Variants in CCBE1 observed in about 807,000 individuals in gnomAD.
CCBE1 encodes collagen and calcium binding EGF domains 1.
Under a neutral mutation model 50.0 loss-of-function variants are expected in CCBE1, and 37 were observed. The ratio of observed to expected loss-of-function variants is 0.74; its 90% confidence interval spans 0.57 to 0.97. CCBE1 has a LOEUF of 0.97. CCBE1 is among the 50% of genes least tolerant of loss of function. The probability of loss-of-function intolerance (pLI) is 0.00; values close to 1 mark genes in which losing one functional copy is unlikely to be tolerated. For synonymous variants in CCBE1, 234 were observed against 203.7 expected (o/e 1.15, Z -1.27); for missense variants, 538 against 523.8 (o/e 1.03, Z -0.26).
intron 5 of CCBE1, among the ~76,000 whole-genome samples, chr18:59,465,160 T>G (rs7239532): frequency 0.96 from 146,568 of 152,282 alleles, 70,759 homozygotes; most frequent in East Asian, 1. Context: ...AGTTCACCCT[T>G]GCTAGAAAGG....
intron 5 of CCBE1, among the ~76,000 whole-genome samples, chr18:59,460,787 T>C (rs1911424975): frequency 3.3e-5 from 5 of 151,914 alleles, no homozygotes; most frequent in Non-Finnish European, 7.4e-5. Flanking sequence ...CAAAAAGGTT[T>C]AGCTGGGCAT....
intron 2 of CCBE1, among the ~76,000 whole-genome samples, chr18:59,601,749 G>A (rs952341744): frequency 6.6e-6 from 1 of 152,196 alleles, no homozygotes; most frequent in South Asian, 2.1e-4. Flanking sequence ...CTTGTGTGGA[G>A]AAAGTGTATG....
chr18:59,632,393 C>T (rs2053861042), intron 2 of CCBE1, among the ~76,000 whole-genome samples: 1 of 151,896 alleles, frequency 6.6e-6, no homozygotes, highest in Non-Finnish European at 1.5e-5. Context: ...GATTCTCGTG[C>T]CTCAGCCTCA....
intron 2 of CCBE1, among the ~76,000 whole-genome samples, chr18:59,626,863 T>C (rs1415407751): frequency 2.0e-5 from 3 of 152,258 alleles, no homozygotes; most frequent in Non-Finnish European, 4.4e-5. Context: ...GGTTGAGCCC[T>C]TGATTCCACA....
intron 2 of CCBE1, among the ~76,000 whole-genome samples, chr18:59,551,023 A>AAAAAAAGAAAAAAG (rs1568201633): frequency 2.5e-4 from 36 of 141,464 alleles, no homozygotes; most frequent in African/African-American, 8.9e-4. Flanking sequence ...AAAAAAAAAA[A>AAAAAAAGAAAAAAG]AAAAAAGAAA....
intron 2 of CCBE1, among the ~76,000 whole-genome samples, chr18:59,650,326 C>T (rs376002758): frequency 3.5e-4 from 53 of 150,700 alleles, no homozygotes; most frequent in African/African-American, 1.3e-3. Flanking sequence ...AAGCAGCATC[C>T]AAGCTCTCCA....
At chr18:59,450,404 G>T (rs1267468459) in intron 6 of CCBE1, among the ~76,000 whole-genome samples, 2 of 152,138 alleles carry the variant, frequency 1.3e-5, no homozygotes, top group African/African-American at 2.4e-5. Context: ...TAGAACTGAG[G>T]CACAGAGAGG....
Position 59,635,737 on chromosome 18 carries a change from T to TA in CCBE1, c.212+60891dup, listed in dbSNP as rs548004118. ...CTGTACAGGAAGAGTATTTTTAGATTAAAAAAAAAAAGCTCAAGATAGGAA... is the reference window on the plus strand; with the variant it reads ...CTGTACAGGAAGAGTATTTTTAGATTAAAAAAAAAAAAGCTCAAGATAGGAA... On this transcript the variant is annotated intron_variant, in intron 2 of 10. Coordinates refer to ENST00000439986, the MANE Select transcript of CCBE1 (RefSeq NM_133459.4). Among the ~76,000 whole-genome samples, 55 of 142,322 alleles carry TA rather than the reference T, an allele frequency of 3.9e-4. 1 individual carries two copies. The highest frequency in any genetic ancestry group is 2.0e-3 in the East Asian group (10 of 4,978). The allele number at this position is 142,322 out of a possible 152,430, so 93.4% of individuals were successfully genotyped here.
intron 4 of CCBE1, among the ~76,000 whole-genome samples, chr18:59,467,438 T>C (rs586175): frequency 0.95 from 144,801 of 152,202 alleles, 69,246 homozygotes; most frequent in East Asian, 1. Flanking sequence ...AAGATACTTC[T>C]AATAAAAGAA....
chr18:59,439,598 G>C lies in CCBE1; in HGVS notation c.916-20C>G. Reference sequence around the variant, plus strand: ...TGGACCCTGTAATACAAAAGGATCTGGTTTAACCACAGGCAAAAGCATGGG... The same window carrying C: ...TGGACCCTGTAATACAAAAGGATCTCGTTTAACCACAGGCAAAAGCATGGG... On this transcript the variant is annotated intron_variant, in intron 8 of 10. Transcript: ENST00000439986. The C allele has an allele frequency of 1.2e-6, 2 of 1,614,244 alleles. No individual in the cohort carries two copies. The highest frequency in any genetic ancestry group is 8.5e-7 in the Non-Finnish European group (1 of 1,180,036).
chr18:59,450,454 G>A (rs957630975), intron 6 of CCBE1, among the ~76,000 whole-genome samples: 5 of 152,124 alleles, frequency 3.3e-5, no homozygotes, highest in African/African-American at 1.2e-4. Context: ...AGCAGACGGT[G>A]GGTCTAGAAT....
intron 2 of CCBE1, among the ~76,000 whole-genome samples, chr18:59,606,608 C>T (rs1258863609): frequency 2.0e-5 from 3 of 152,122 alleles, no homozygotes; most frequent in East Asian, 1.9e-4. Flanking sequence ...CCCAGGGTGA[C>T]ATAAACAAAC....
intron 2 of CCBE1, among the ~76,000 whole-genome samples, chr18:59,504,323 G>A (rs747783406): frequency 3.0e-4 from 45 of 150,826 alleles, no homozygotes; most frequent in Non-Finnish European, 5.3e-4. Flanking sequence ...CCACCCAAAA[G>A]TATTTTCCTC....
intron 2 of CCBE1, among the ~76,000 whole-genome samples, chr18:59,585,694 T>G (rs1244201764): frequency 6.6e-6 from 1 of 152,236 alleles, no homozygotes; most frequent in Non-Finnish European, 1.5e-5. Flanking sequence ...TGAAGATGCC[T>G]GGCACCCTGA....
intron 2 of CCBE1, among the ~76,000 whole-genome samples, chr18:59,562,639 C>T (rs963486095): frequency 1.3e-5 from 2 of 152,220 alleles, no homozygotes; most frequent in Admixed American, 6.5e-5. Context: ...TTTTCCCATC[C>T]ACACAGTACA....
At position 59,572,341 on chromosome 18, in the gene CCBE1, T is replaced by A. The variant is rs1035552673; in HGVS notation, c.213-92103A>T. Among the ~76,000 whole-genome samples, 3 of 152,294 alleles carry A rather than the reference T, an allele frequency of 2.0e-5. No individual in the cohort carries two copies. In the South Asian group the frequency reaches 6.2e-4, roughly 32 times the overall value. ...GTGAAGCTGGAACCAATTGTTGTTA[T>A]AAAGAGACTAAATAAAAAAGGTCCT... On this transcript the variant is annotated intron_variant, in intron 2 of 10. Transcript: ENST00000439986.
intron 2 of CCBE1, among the ~76,000 whole-genome samples, chr18:59,691,833 G>A (rs1041016481): frequency 6.6e-6 from 1 of 152,172 alleles, no homozygotes; most frequent in Non-Finnish European, 1.5e-5. Flanking sequence ...ACAAGCAGAG[G>A]AGAGAGAAAT....
chr18:59,533,288 A>C (rs977480328), intron 2 of CCBE1, among the ~76,000 whole-genome samples: 1 of 152,238 alleles, frequency 6.6e-6, no homozygotes, highest in Non-Finnish European at 1.5e-5. Flanking sequence ...ACAATTTTCC[A>C]TCACTCCCGA....
chr18:59,442,882 G>T (rs1910497788), intron 7 of CCBE1, among the ~76,000 whole-genome samples: 1 of 152,166 alleles, frequency 6.6e-6, no homozygotes, highest in Admixed American at 6.5e-5. Context: ...TTTACATGGG[G>T]TGAGTGCTCT....
Sources: allele counts gnomAD v4.1 joint callset (sites outside exome capture counted in the v4.1 genomes callset), GRCh38; gene constraint gnomAD v4.1.1; transcripts MANE v1.5; gene names NCBI Gene and HGNC (gene_info 2026-07-23, HGNC 2026-07-21).